Variants in GRIP1 observed in about 807,000 individuals in gnomAD.
The protein encoded by GRIP1 is glutamate receptor-interacting protein 1.
In GRIP1, 45 loss-of-function variants were observed where a neutral mutation model predicts 129.9. That is an observed-to-expected ratio of 0.35 (90% confidence interval 0.27 to 0.44). The LOEUF (loss-of-function observed/expected upper bound fraction) is 0.44. GRIP1 is among the 20% of genes least tolerant of loss of function. The probability of loss-of-function intolerance (pLI) is 1.00; values close to 1 mark genes in which losing one functional copy is unlikely to be tolerated. For synonymous variants in GRIP1, 530 were observed against 520.8 expected, an observed-to-expected ratio of 1.02 and a Z score of -0.24; for missense variants, 1,196 against 1,396.8, an observed-to-expected ratio of 0.86 and a Z score of 2.29.
upstream of GRIP1, among the ~76,000 whole-genome samples, chr12:66,807,517 CA>C (rs1217968860): frequency 6.6e-6 from 1 of 152,000 alleles, no homozygotes; most frequent in South Asian, 2.1e-4. Context: ...ACTGAAAATA[CA>C]AAAAAATTAG....
rs547741466 is a variant in GRIP1 at position 66,656,802 on chromosome 12, C to T, written c.55+22048G>A. On this transcript the variant is annotated intron_variant, in intron 1 of 24. Transcript: ENST00000359742. ...CTTGAAGGTATTTCAGTTTGCAACC[C>T]GACCTCCTCTTCTCAGATACTTTTA... is the stretch of plus-strand genomic sequence containing the variant. Among the ~76,000 whole-genome samples, 15 of 152,122 alleles carry T rather than the reference C, an allele frequency of 9.9e-5. No homozygotes were observed. The East Asian group carries it at 1.9e-3, about 20-fold the overall frequency.
At chr12:66,527,720 C>G (rs374500960) in intron 5 of GRIP1, among the ~76,000 whole-genome samples, 47 of 152,040 alleles carry the variant, frequency 3.1e-4, no homozygotes, top group East Asian at 2.7e-3. Flanking sequence ...AAACCAAATA[C>G]TGCATGTTCT....
chr12:66,556,910 G>GA (rs567359340), intron 2 of GRIP1, among the ~76,000 whole-genome samples: 23 of 149,340 alleles, frequency 1.5e-4, no homozygotes, highest in Admixed American at 9.3e-4. Context: ...AGGAATGACA[G>GA]AAAAAAAAAT....
intron 1 of GRIP1, among the ~76,000 whole-genome samples, chr12:66,621,197 T>G (rs2065252719): frequency 6.6e-6 from 1 of 152,156 alleles, no homozygotes; most frequent in African/African-American, 2.4e-5. Flanking sequence ...CCATCACCCC[T>G]ATTATCTTCA....
At chr12:66,877,892 G>A (rs976379816) in intron 1 of GRIP1, among the ~76,000 whole-genome samples, 8 of 151,938 alleles carry the variant, frequency 5.3e-5, no homozygotes, top group East Asian at 1.9e-4. Context: ...GAAGTGATGC[G>A]GAATTAAAAT....
chr12:66,404,237 A>G (rs1388002412), intron 16 of GRIP1, among the ~76,000 whole-genome samples: 1 of 152,266 alleles, frequency 6.6e-6, no homozygotes, highest in East Asian at 1.9e-4. Context: ...ATTATTATCA[A>G]TTGTACTGAT....
intron 16 of GRIP1, among the ~76,000 whole-genome samples, chr12:66,401,592 A>ACG (rs1555177923): frequency 2.4e-5 from 2 of 83,084 alleles, no homozygotes; most frequent in South Asian, 9.6e-4. Flanking sequence ...AAAAAAAAAT[A>ACG]TGTGTGTATA....
At chr12:66,527,962 C>T (rs1293857616) in intron 5 of GRIP1, among the ~76,000 whole-genome samples, 2 of 151,716 alleles carry the variant, frequency 1.3e-5, no homozygotes, top group African/African-American at 2.4e-5. Flanking sequence ...ACCCCTTGAA[C>T]CTAAGATAGA....
intron 10 of GRIP1, among the ~76,000 whole-genome samples, 177 bp from the exon 11 acceptor site, chr12:66,455,741 A>G (rs1411361880): frequency 6.6e-6 from 1 of 152,232 alleles, no homozygotes; most frequent in Non-Finnish European, 1.5e-5. Flanking sequence ...ACAAGAGCCT[A>G]CAAATGCTGA....
chr12:66,401,455 T>C (rs1464168792), intron 16 of GRIP1, among the ~76,000 whole-genome samples: 1 of 151,630 alleles, frequency 6.6e-6, no homozygotes, highest in East Asian at 1.9e-4. Context: ...GGTGGACACC[T>C]GTAATCCCAG....
upstream of GRIP1, among the ~76,000 whole-genome samples, chr12:66,806,795 A>C (rs1384594942): frequency 1.4e-5 from 2 of 144,600 alleles, no homozygotes; most frequent in Non-Finnish European, 3.0e-5. Flanking sequence ...GTACATAAGC[A>C]CCTATTTTTT....
intron 1 of GRIP1, among the ~76,000 whole-genome samples, chr12:66,710,273 CTGCCCTT>C (rs1287727026): frequency 1.3e-5 from 2 of 151,936 alleles, no homozygotes; most frequent in African/African-American, 4.8e-5. Flanking sequence ...AAAATGCACT[CTGCCCTT>C]TGGGAGATTA....
chr12:66,403,638 T>C (rs1030250644), intron 16 of GRIP1, among the ~76,000 whole-genome samples: 3 of 152,204 alleles, frequency 2.0e-5, no homozygotes, highest in Admixed American at 2.0e-4. Flanking sequence ...CCAATATTTA[T>C]AGTCTTATTT....
chr12:66,596,812 T>G, intron 2 of GRIP1, 35 bp downstream of exon 2: 2 of 1,288,390 alleles, frequency 1.6e-6, no homozygotes, highest in Middle Eastern at 1.8e-4. Flanking sequence ...GATTCAAAAG[T>G]AAAACAGCTG....
intron 7 of GRIP1, among the ~76,000 whole-genome samples, chr12:66,473,990 C>G (rs1041702441): frequency 1.3e-5 from 2 of 152,026 alleles, no homozygotes; most frequent in Non-Finnish European, 2.9e-5. Flanking sequence ...GTTTGATGAA[C>G]TGACAGAAGT....
rs11176167 is a variant in GRIP1 at position 66,406,928 on chromosome 12, A to G, written c.1839-500T>C. Among the ~76,000 whole-genome samples the G allele has an allele frequency of 5.6e-4, 86 of 152,224 alleles. 1 individual carries two copies. The highest frequency in any genetic ancestry group is 2.8e-3 in the Admixed American group (43 of 15,282). ...TATGGCCAGAGTAGCATGAAAATTTATAGATGAATCCATAGCTTCTTATTT... is the reference window on the plus strand; with the variant it reads ...TATGGCCAGAGTAGCATGAAAATTTGTAGATGAATCCATAGCTTCTTATTT... On this transcript the variant is annotated intron_variant, in intron 15 of 24. Transcript: ENST00000359742.
At chr12:66,530,347 T>A (rs80006199) in intron 4 of GRIP1, among the ~76,000 whole-genome samples, 439 of 152,298 alleles carry the variant, frequency 2.9e-3, no homozygotes, top group African/African-American at 0.01. Context: ...GGAAGAAAAA[T>A]TATCATTCTC....
intron 1 of GRIP1, among the ~76,000 whole-genome samples, chr12:66,751,358 G>A (rs1056640209): frequency 4.6e-5 from 7 of 152,120 alleles, no homozygotes; most frequent in Non-Finnish European, 8.8e-5. Context: ...GATGCTCAAA[G>A]TACAGGCAGA....
intron 1 of GRIP1, among the ~76,000 whole-genome samples, chr12:66,856,192 C>A (rs1158544859): frequency 6.6e-6 from 1 of 152,038 alleles, no homozygotes; most frequent in South Asian, 2.1e-4. Context: ...AAACTGGATC[C>A]CTTCCTTACA....
Sources: gnomAD v4.1 joint callset for allele counts (sites outside exome capture counted in the v4.1 genomes callset) on GRCh38, gnomAD v4.1.1 for gene constraint, MANE v1.5 for transcripts, NCBI Gene and HGNC (gene_info 2026-07-23, HGNC 2026-07-21) for gene names.